The following CTH variants were observed in gnomAD, a reference collection of about 807,000 sequenced individuals.
The protein encoded by CTH is cystathionine gamma-lyase, also known as cystathionase (cystathionine gamma-lyase).
In CTH, 41 loss-of-function variants were observed where a neutral mutation model predicts 50.6. The ratio of observed to expected loss-of-function variants is 0.81; its 90% CI spans 0.63 to 1.05. CTH has a LOEUF of 1.05. Ranked by LOEUF, CTH falls within the 50% of genes least tolerant of loss-of-function variation. The pLI is 0.00. For synonymous variants in CTH, 156 were observed against 168.9 expected (o/e 0.92, Z 0.59); for missense variants, 470 against 492.6 (o/e 0.95, Z 0.43).
At chr1:70,438,161 A>G (rs908954430) in intron 10 of CTH, among the ~76,000 whole-genome samples, 1 of 152,032 alleles carries the variant, frequency 6.6e-6, no homozygotes, top group African/African-American at 2.4e-5. Flanking sequence ...CTATGCCAGG[A>G]GTTATATTGT....
chr1:70,412,931 A>G (rs1487088666), intron 1 of CTH, among the ~76,000 whole-genome samples: 1 of 152,210 alleles, frequency 6.6e-6, no homozygotes, highest in Non-Finnish European at 1.5e-5. Flanking sequence ...ACTGACACAG[A>G]GTCATACATG....
At position 70,424,292 on chromosome 1, in the gene CTH, G is replaced by T; in HGVS notation, c.464G>T (p.Trp155Leu). Reference protein sequence around the residue: ...AAITPETKLVWIETPTNPTQK... With the variant: ...AAITPETKLVLIETPTNPTQK... ...TTTGCTGAATTATTTTAGCTTGTTT[G>T]GATCGAAACCCCCACAAACCCCACC... Residue 155 changes from tryptophan to leucine, a missense_variant, in exon 5 of 12, where the codon TGG becomes TTG. Physicochemically the swap from Trp to Leu is moderately conservative, Grantham distance 61. Coordinates refer to ENST00000370938, the MANE Select transcript of CTH (RefSeq NM_001902.6). 1 of 1,613,946 alleles carries T rather than the reference G, an allele frequency of 6.2e-7. No individual in the cohort carries two copies. Among genetic ancestry groups the T allele is most frequent in the Non-Finnish European group, 8.5e-7 (1 of 1,179,976 alleles).
At chr1:70,411,665 T>C in intron 1 of CTH, 82 bp downstream of exon 1, 1 of 1,544,954 alleles carries the variant, frequency 6.5e-7, no homozygotes, top group Admixed American at 2.1e-5. Flanking sequence ...ATGTAAGTAA[T>C]TTATAATATG....
chr1:70,411,318 C>G lies in CTH; in HGVS notation c.-98C>G. On this transcript the variant is annotated 5_prime_UTR_variant, in exon 1 of 12. Transcript: ENST00000370938. ...CTCTACCTGCGTGCTTTAGCTCCTTCTCGCCTGATCCTTCTGTCTCTCCCA... is the reference window on the plus strand; with the variant it reads ...CTCTACCTGCGTGCTTTAGCTCCTTGTCGCCTGATCCTTCTGTCTCTCCCA... 7.8e-7 allele frequency: 1 copy of G among 1,280,266 alleles called. No homozygotes were observed. The highest frequency in any genetic ancestry group is 1.7e-5 in the Admixed American group (1 of 59,606). 79.3% of individuals were successfully genotyped at this position (1,280,266 alleles called of 1,614,324 possible). A position where few individuals can be genotyped will look rare whatever the true frequency, so the allele number is the denominator to read the frequency against.
intron 4 of CTH, among the ~76,000 whole-genome samples, chr1:70,423,754 T>C (rs1684282380): frequency 1.3e-5 from 2 of 152,200 alleles, no homozygotes; most frequent in Admixed American, 1.3e-4. Context: ...GTTGTGGGTG[T>C]CACTTTTCTT....
Position 70,439,249 on chromosome 1 carries a change from C to A in CTH, c.*122C>A. On this transcript the variant is annotated 3_prime_UTR_variant, in exon 12 of 12. Transcript: ENST00000370938. ...CGGAAATTTTAAGGCACCTCATTAT[C>A]TTTCATAACTGTAATTTTCTTAGGG... The A allele has an allele frequency of 1.2e-6, 1 of 852,812 alleles. No individual in the cohort carries two copies. Among genetic ancestry groups the A allele is most frequent in the Non-Finnish European group, 2.0e-6 (1 of 499,638 alleles). 52.8% of individuals were successfully genotyped at this position (852,812 alleles called of 1,614,324 possible).
At chr1:70,413,804 C>T (rs150975263) in intron 1 of CTH, among the ~76,000 whole-genome samples, 1 of 138,706 alleles carries the variant, frequency 7.2e-6, no homozygotes, top group African/African-American at 2.8e-5. Flanking sequence ...TGCAGTGGTG[C>T]GATCTTGGCC....
chr1:70,419,337 C>G (rs1244463057), intron 3 of CTH, among the ~76,000 whole-genome samples: 1 of 152,010 alleles, frequency 6.6e-6, no homozygotes, highest in East Asian at 1.9e-4. Flanking sequence ...GGGTATATAC[C>G]CAGTAATGGG....
chr1:70,417,292 CT>C (rs376981128), intron 2 of CTH, among the ~76,000 whole-genome samples: 3,288 of 148,422 alleles, frequency 0.022, 126 homozygotes, highest in African/African-American at 0.076. Flanking sequence ...TCTTTTCTTT[CT>C]TTTTTTTTTG....
At chr1:70,421,769 AC>A (rs1684227685) in intron 4 of CTH, 94 bp downstream of exon 4, 2 of 1,297,296 alleles carry the variant, frequency 1.5e-6, no homozygotes, top group Non-Finnish European at 2.2e-6. Context: ...AATGTGAATA[AC>A]AAATTTTATT....
At chr1:70,421,935 C>T (rs1021091425) in intron 4 of CTH, among the ~76,000 whole-genome samples, 1 of 152,090 alleles carries the variant, frequency 6.6e-6, no homozygotes, top group Non-Finnish European at 1.5e-5. Flanking sequence ...TAACCAAAGT[C>T]TCAGTTTCTT....
In CTH at chr1:70,435,124, G is replaced by T; in HGVS notation, c.1000-1G>T. 6.2e-7 allele frequency: 1 copy of T among 1,611,836 alleles called. No individual in the cohort carries two copies. The highest frequency in any genetic ancestry group is 1.3e-5 in the African/African-American group (1 of 74,922). ...CTAAATTCATGTTTTCTTTGCTATA[G>T]CTATTTACTCTGGCCGAGAGCTTGG... On this transcript the variant is annotated splice_acceptor_variant, in intron 9 of 11. Transcript: ENST00000370938. LOFTEE classifies it high-confidence loss of function.
At chr1:70,414,422 G>A (rs575098358) in intron 1 of CTH, among the ~76,000 whole-genome samples, 1 of 151,948 alleles carries the variant, frequency 6.6e-6, no homozygotes, top group Non-Finnish European at 1.5e-5. Flanking sequence ...TGAGGCAGGA[G>A]AATCGCTTGA....
At chr1:70,434,364 C>G (rs1684548187) in intron 9 of CTH, among the ~76,000 whole-genome samples, 1 of 152,100 alleles carries the variant, frequency 6.6e-6, no homozygotes, top group Non-Finnish European at 1.5e-5. Flanking sequence ...GTCTAATTTT[C>G]AAAAAGCCAG....
intron 7 of CTH, 97 bp from the exon 8 acceptor site, chr1:70,431,986 C>G (rs952133837): frequency 8.6e-6 from 11 of 1,275,234 alleles, no homozygotes; most frequent in Middle Eastern, 1.9e-4. Context: ...AGCTTTACAC[C>G]TAGCTTCTGA....
Position 70,418,486 on chromosome 1 carries a change from G to A in CTH, c.346+454G>A, listed in dbSNP as rs112803263. On this transcript the variant is annotated intron_variant, in intron 3 of 11. Transcript: ENST00000370938. ...GCTGGTCTGGAACTCCTGAGCTCAAGTGATCCTCCCTCTCCAGCCTCCCAA... is the reference window on the plus strand; with the variant it reads ...GCTGGTCTGGAACTCCTGAGCTCAAATGATCCTCCCTCTCCAGCCTCCCAA... 4.1e-3 allele frequency among the ~76,000 whole-genome samples: 624 copies of A among 152,288 alleles called. 4 individuals are homozygous for A. Among genetic ancestry groups the A allele is most frequent in the African/African-American group, 0.014 (599 of 41,568 alleles).
intron 1 of CTH, among the ~76,000 whole-genome samples, chr1:70,413,423 C>A (rs1424436900): frequency 6.6e-6 from 1 of 151,814 alleles, no homozygotes; most frequent in East Asian, 1.9e-4. Flanking sequence ...GCCACTGCGC[C>A]TGACTCATTT....
chr1:70,424,552 G>T lies in CTH; in HGVS notation c.588+136G>T, dbSNP rs536422312. The stretch of plus-strand genomic sequence containing the variant: ...CATAATTAATTATTTACTGGATCGA[G>T]AATTAAATTTGGACCTCTTCTACCA... On this transcript the variant is annotated intron_variant, in intron 5 of 11. Coordinates refer to ENST00000370938, the MANE Select transcript of CTH (RefSeq NM_001902.6). 2.1e-5 allele frequency: 30 copies of T among 1,447,720 alleles called. No individual in the cohort carries two copies. In the South Asian group the frequency reaches 2.9e-4, roughly 14 times the overall value. The allele number at this position is 1,447,720 out of a possible 1,614,324, so 89.7% of individuals were successfully genotyped here. A position where few individuals can be genotyped will look rare whatever the true frequency, so the allele number is the denominator to read the frequency against.
chr1:70,416,466 C>T (rs766642737), intron 2 of CTH, among the ~76,000 whole-genome samples: 1 of 152,052 alleles, frequency 6.6e-6, no homozygotes, highest in Non-Finnish European at 1.5e-5. Context: ...AATCTCTGCT[C>T]ATTGCAACCT....
Sources: allele counts gnomAD v4.1 joint callset (sites outside exome capture counted in the v4.1 genomes callset), GRCh38; gene constraint gnomAD v4.1.1; transcripts MANE v1.5; gene names NCBI Gene and HGNC (gene_info 2026-07-23, HGNC 2026-07-21).